The following FGF12 variants were observed in gnomAD, a reference collection of about 807,000 sequenced individuals.
FGF12 encodes fibroblast growth factor 12, also known as fibroblast growth factor 12B.
A neutral mutation model predicts 23.6 loss-of-function variants in FGF12; 14 were observed. The ratio of observed to expected loss-of-function variants is 0.59; its 90% CI spans 0.39 to 0.93. The LOEUF (loss-of-function observed/expected upper bound fraction) is 0.93. FGF12 is among the 40% of genes least tolerant of loss of function. FGF12 has a pLI of 0.00. For synonymous variants in FGF12, 62 were observed against 77.3 expected (o/e 0.80, Z 1.04); for missense variants, 175 against 217.8 (o/e 0.80, Z 1.24).
intron 2 of FGF12, among the ~76,000 whole-genome samples, chr3:192,658,565 C>T (rs146995201): frequency 1.0e-3 from 158 of 152,146 alleles, no homozygotes; most frequent in African/African-American, 3.7e-3. Context: ...TTAGCTTTAC[C>T]CTAGAAAGCA....
intron 2 of FGF12, among the ~76,000 whole-genome samples, chr3:192,434,216 G>T (rs1721947551): frequency 6.6e-6 from 1 of 152,294 alleles, no homozygotes; most frequent in East Asian, 1.9e-4. Context: ...CCCAGAACTT[G>T]GAAGGGGCTG....
intron 4 of FGF12, among the ~76,000 whole-genome samples, chr3:192,242,422 G>C (rs187421977): frequency 6.6e-6 from 1 of 152,046 alleles, no homozygotes; most frequent in Non-Finnish European, 1.5e-5. Flanking sequence ...CCCCTTGGGG[G>C]TATCAAAATT....
intron 4 of FGF12, among the ~76,000 whole-genome samples, chr3:192,328,694 G>A (rs1157434196): frequency 1.3e-5 from 2 of 152,182 alleles, no homozygotes; most frequent in African/African-American, 4.8e-5. Context: ...CTTGCAGTTG[G>A]TGCCAGAAGT....
At chr3:192,704,441 T>C (rs1050855119) in intron 2 of FGF12, among the ~76,000 whole-genome samples, 7 of 152,348 alleles carry the variant, frequency 4.6e-5, no homozygotes, top group South Asian at 2.1e-4. Flanking sequence ...AAGAAATCTT[T>C]CTTTTTCTGG....
intron 4 of FGF12, among the ~76,000 whole-genome samples, chr3:192,198,255 G>T (rs1249937760): frequency 2.0e-5 from 3 of 152,094 alleles, no homozygotes; most frequent in Non-Finnish European, 4.4e-5. Context: ...AATGTTTTCA[G>T]GCACTTGAAA....
intron 2 of FGF12, among the ~76,000 whole-genome samples, chr3:192,512,711 C>T (rs943240286): frequency 2.0e-5 from 3 of 151,008 alleles, no homozygotes; most frequent in Non-Finnish European, 3.0e-5. Context: ...GGGAAGGAAA[C>T]TTCACTACTT....
intron 3 of FGF12, among the ~76,000 whole-genome samples, chr3:192,341,666 G>C (rs898819546): frequency 6.6e-6 from 1 of 152,104 alleles, no homozygotes; most frequent in Non-Finnish European, 1.5e-5. Flanking sequence ...TAAGTGGAAG[G>C]AGAAGATGAG....
Position 192,448,756 on chromosome 3 carries a change from G to C in FGF12, c.14-88218C>G, listed in dbSNP as rs151329938. Among the ~76,000 whole-genome samples the C allele has an allele frequency of 1.6e-3, 244 of 152,188 alleles. 1 individual carries two copies. Among genetic ancestry groups the C allele is most frequent in the African/African-American group, 5.5e-3 (227 of 41,514 alleles). On this transcript the variant is annotated intron_variant, in intron 2 of 5. Coordinates refer to ENST00000445105, the MANE Select transcript of FGF12 (RefSeq NM_004113.6). ...TATCAGCATGAGTAAATGTATTCTG[G>C]CATATCATTAGATTTCAATAAATAT...
chr3:192,458,490 A>G (rs1722752085), intron 2 of FGF12, among the ~76,000 whole-genome samples: 1 of 152,170 alleles, frequency 6.6e-6, no homozygotes, highest in Non-Finnish European at 1.5e-5. Context: ...ATCAATTTGG[A>G]ACTTTAAAAT....
chr3:192,429,257 A>G (rs536946337), intron 2 of FGF12, among the ~76,000 whole-genome samples: 22 of 152,264 alleles, frequency 1.4e-4, no homozygotes, highest in Non-Finnish European at 2.6e-4. Flanking sequence ...TTAAACTGTA[A>G]AGCACACTGG....
chr3:192,143,746 G>T lies in FGF12; in HGVS notation c.*263C>A. On this transcript the variant is annotated 3_prime_UTR_variant, in exon 6 of 6. Transcript: ENST00000445105. The stretch of plus-strand genomic sequence containing the variant: ...AATACAGTTTAATTTAATATTTATG[G>T]AGTTCTGATTTATTTTTTCCTTTGC... 1 of 363,420 alleles carries T rather than the reference G, an allele frequency of 2.8e-6. No homozygotes were observed. Among genetic ancestry groups the T allele is most frequent in the Non-Finnish European group, 4.9e-6 (1 of 202,226 alleles). The allele number at this position is 363,420 out of a possible 1,614,324, so 22.5% of individuals were successfully genotyped here.
At chr3:192,331,311 C>CAAAAAAAAAAA (rs201997868) in intron 4 of FGF12, among the ~76,000 whole-genome samples, 17 of 95,960 alleles carry the variant, frequency 1.8e-4, no homozygotes, top group Admixed American at 3.6e-4. Context: ...GGAGTTTTCT[C>CAAAAAAAAAAA]AAAAAAAAAA....
chr3:192,232,847 G>A (rs549060700), intron 4 of FGF12, among the ~76,000 whole-genome samples: 1 of 150,160 alleles, frequency 6.7e-6, no homozygotes, highest in South Asian at 2.1e-4. Flanking sequence ...ATAATGGCCT[G>A]CAGCTTCATC....
chr3:192,636,526 G>T (rs1462636764), intron 2 of FGF12, among the ~76,000 whole-genome samples: 1 of 152,222 alleles, frequency 6.6e-6, no homozygotes, highest in Admixed American at 6.5e-5. Flanking sequence ...CTTCCAAGGT[G>T]TCATGCTACA....
intron 4 of FGF12, among the ~76,000 whole-genome samples, chr3:192,269,257 A>G (rs1713276949): frequency 6.6e-6 from 1 of 152,218 alleles, no homozygotes; most frequent in East Asian, 1.9e-4. Flanking sequence ...GCCACCCACT[A>G]GAACATAAAA....
chr3:192,522,480 A>G (rs1272646980), intron 2 of FGF12, among the ~76,000 whole-genome samples: 3 of 152,236 alleles, frequency 2.0e-5, no homozygotes, highest in African/African-American at 7.2e-5. Context: ...AATATAAAGG[A>G]AATGGGAACC....
chr3:192,357,650 T>C (rs1718537944), intron 3 of FGF12, among the ~76,000 whole-genome samples: 1 of 152,178 alleles, frequency 6.6e-6, no homozygotes. Flanking sequence ...TCACTTTGTA[T>C]TGAGTGCTTA....
chr3:192,316,937 G>C (rs1277819179), intron 4 of FGF12, among the ~76,000 whole-genome samples: 1 of 152,126 alleles, frequency 6.6e-6, no homozygotes, highest in Non-Finnish European at 1.5e-5. Flanking sequence ...CCAGTCATGA[G>C]GCCTGCATTC....
chr3:192,669,830 C>T (rs1717044236), intron 2 of FGF12, among the ~76,000 whole-genome samples: 1 of 152,036 alleles, frequency 6.6e-6, no homozygotes, highest in African/African-American at 2.4e-5. Flanking sequence ...GAAAGAGCTG[C>T]ATGACTCAGT....
Sources: gnomAD v4.1 joint callset for allele counts (sites outside exome capture counted in the v4.1 genomes callset) on GRCh38, gnomAD v4.1.1 for gene constraint, MANE v1.5 for transcripts, NCBI Gene and HGNC (gene_info 2026-07-23, HGNC 2026-07-21) for gene names.